Variants in GPBAR1 observed in about 807,000 individuals in gnomAD.
The protein encoded by GPBAR1 is G-protein coupled bile acid receptor 1.
A neutral mutation model predicts 13.0 loss-of-function variants in GPBAR1; 13 were observed. That is an observed-to-expected ratio of 1.00 (90% CI 0.65 to 1.59). The LOEUF is 1.59. Ranked by LOEUF, GPBAR1 falls within the 40% of genes most tolerant of loss-of-function variation. GPBAR1 has a pLI of 0.00. For missense variants in GPBAR1, 398 were observed against 436.4 expected, an observed-to-expected ratio of 0.91 and a Z score of 0.78; for synonymous variants, 193 against 205.2, an observed-to-expected ratio of 0.94 and a Z score of 0.51.
In GPBAR1 at chr2:218,262,353, A is replaced by G. The variant is rs763439460; in HGVS notation, c.-45-327A>G. 11 of 211,944 alleles carry G rather than the reference A, an allele frequency of 5.2e-5. No homozygotes were observed. Among genetic ancestry groups the G allele is most frequent in the Non-Finnish European group, 1.0e-4 (11 of 104,876 alleles). 13.1% of individuals were successfully genotyped at this position (211,944 alleles called of 1,614,324 possible). A position where few individuals can be genotyped will look rare whatever the true frequency, so the allele number is the denominator to read the frequency against. The stretch of plus-strand genomic sequence containing the variant: ...GGGCCCGCCTTTCAGTCTAAACAAG[A>G]GACCTCAACACAGCTGCCCAGAAAA... On this transcript the variant is annotated intron_variant, in intron 1 of 1. Coordinates refer to ENST00000519574, the MANE Select transcript of GPBAR1 (RefSeq NM_170699.3). The surrounding 1 kb of genome is among the most constrained non-coding windows in gnomAD (Gnocchi z 5.1).
rs899958366 is a variant in GPBAR1 at position 218,263,192 on chromosome 2, C to T, written c.468C>T (p.Ser156=). 3 of 1,609,784 alleles carry T rather than the reference C, an allele frequency of 1.9e-6. No individual in the cohort carries two copies. In the African/African-American group the frequency reaches 4.0e-5, roughly 21 times the overall value. Reference sequence around the variant, plus strand: ...ACTGGACCCCTGGTGCCAACTGCAGCTCCCAGGCTATCTTCCCAGCCCCCT... The same window carrying T: ...ACTGGACCCCTGGTGCCAACTGCAGTTCCCAGGCTATCTTCCCAGCCCCCT... ...WNHWTPGANC[S]SQAIFPAPYL... Residue 156 remains serine, a synonymous_variant, in exon 2 of 2, where the codon AGC becomes AGT. Transcript: ENST00000519574. This position sits in a 1 kb window ranked among gnomAD's most constrained non-coding sequence, Gnocchi z 4.2.
Position 218,263,505 on chromosome 2 carries a change from A to G in GPBAR1, c.781A>G (p.Thr261Ala). The part of the protein sequence containing the change: ...YEQRPPLGPG[T>A]LLSLLSLGSA... Reference sequence around the variant, plus strand: ...GCAGCGCCCGCCACTGGGGCCTGGGACACTGTTGTCCCTCCTCTCCCTAGG... The same window carrying G: ...GCAGCGCCCGCCACTGGGGCCTGGGGCACTGTTGTCCCTCCTCTCCCTAGG... The change falls in exon 2 of 2, where the codon ACA becomes GCA. Residue 261 changes from threonine (T) to alanine (A), a missense_variant. Thr to Ala is a moderately conservative substitution (Grantham distance 58, BLOSUM62 0). Transcript: ENST00000519574. The surrounding 1 kb of genome is among the most constrained non-coding windows in gnomAD (Gnocchi z 4.2). The G allele has an allele frequency of 6.2e-7, 1 of 1,611,414 alleles. No individual in the cohort carries two copies. The highest frequency in any genetic ancestry group is 8.5e-7 in the Non-Finnish European group (1 of 1,179,348).
chr2:218,263,124 G>A lies in GPBAR1; in HGVS notation c.400G>A (p.Gly134Ser), dbSNP rs200915643. 6.3e-5 allele frequency: 102 copies of A among 1,612,494 alleles called. No individual in the cohort carries two copies. Among genetic ancestry groups the A allele is most frequent in the Non-Finnish European group, 8.4e-5 (99 of 1,179,874 alleles). Residue 134 changes from glycine to serine, a missense_variant, in exon 2 of 2, where the codon GGT becomes AGT. Coordinates refer to ENST00000519574, the MANE Select transcript of GPBAR1 (RefSeq NM_170699.3). This position sits in a 1 kb window ranked among gnomAD's most constrained non-coding sequence, Gnocchi z 4.2. ...IRLALLLTWA[G>S]PLLFASLPAL... ...GCTGGCCCTGCTCCTCACCTGGGCT[G>A]GTCCCCTGCTCTTTGCCAGTCTGCC...
Position 218,262,543 on chromosome 2 carries a change from T to G in GPBAR1, c.-45-137T>G. The G allele has an allele frequency of 1.6e-6, 1 of 606,322 alleles. No homozygotes were observed. The highest frequency in any genetic ancestry group is 2.8e-6 in the Non-Finnish European group (1 of 353,798). 37.6% of individuals were successfully genotyped at this position (606,322 alleles called of 1,614,324 possible). ...TTTATATAAATGTTTAATTGGCAAT[T>G]AATTGAAAAATTCTGTGTATCAGCG... On this transcript the variant is annotated intron_variant, in intron 1 of 1. Transcript: ENST00000519574. This position sits in a 1 kb window ranked among gnomAD's most constrained non-coding sequence, Gnocchi z 5.1.
rs1690480226 is a variant in GPBAR1, at chr2:218,262,983, C to G, written c.259C>G (p.Leu87Val). 2 of 1,613,852 alleles carry G rather than the reference C, an allele frequency of 1.2e-6. No individual in the cohort carries two copies. Among genetic ancestry groups the G allele is most frequent in the Non-Finnish European group, 8.5e-7 (1 of 1,179,886 alleles). Residue 87 changes from leucine (L) to valine (V), a missense_variant, in exon 2 of 2, where the codon CTC (leucine) becomes GTC (valine). Physicochemically the swap from Leu to Val is conservative, Grantham distance 32 (BLOSUM62 1). Transcript: ENST00000519574. The surrounding 1 kb of genome is among the most constrained non-coding windows in gnomAD (Gnocchi z 5.1). ...QSRRGYWSCL[L>V]VYLAPNFSFL... is the part of the protein sequence containing the mutation. ...TCGCCGGGGTTACTGGTCCTGCCTC[C>G]TCGTCTACTTGGCTCCCAACTTCTC...
rs764313949 is a variant in GPBAR1 at position 218,261,084 on chromosome 2, T to G, written c.-178T>G. The stretch of plus-strand genomic sequence containing the variant: ...CTGTCCCCACTGGGTGGAGACACCA[T>G]GCACTTGGTCCACTTGTGCTCTTCA... On this transcript the variant is annotated 5_prime_UTR_variant, in exon 1 of 2. An upstream start codon of the reference 5' UTR is lost. Transcript: ENST00000519574. 2.0e-5 allele frequency: 3 copies of G among 152,362 alleles called. No homozygotes were observed. The highest frequency in any genetic ancestry group is 2.9e-5 in the Non-Finnish European group (2 of 68,074). The allele number at this position is 152,362 out of a possible 1,614,324, so 9.4% of individuals were successfully genotyped here. A position where few individuals can be genotyped will look rare whatever the true frequency, so the allele number is the denominator to read the frequency against.
Position 218,263,738 on chromosome 2 carries a change from C to A in GPBAR1, c.*21C>A. ...ACTAAAGGAAGGGCCTCTGCTGACT[C>A]CTACCAGAGCATCCGTCCAGCTCAG... On this transcript the variant is annotated 3_prime_UTR_variant, in exon 2 of 2. Coordinates refer to ENST00000519574, the MANE Select transcript of GPBAR1 (RefSeq NM_170699.3). The surrounding 1 kb of genome is among the most constrained non-coding windows in gnomAD (Gnocchi z 4.2). 1.2e-6 allele frequency: 2 copies of A among 1,612,840 alleles called. No individual in the cohort carries two copies. Among genetic ancestry groups the A allele is most frequent in the Non-Finnish European group, 1.7e-6 (2 of 1,179,804 alleles).
chr2:218,260,414 T>C (rs1292584628), upstream of GPBAR1, among the ~76,000 whole-genome samples: 1 of 152,190 alleles, frequency 6.6e-6, no homozygotes, highest in African/African-American at 2.4e-5. Context: ...ATATGTGTTA[T>C]CCTGTGATAT....
At chr2:218,261,653 G>A (rs1259648164) in intron 1 of GPBAR1, among the ~76,000 whole-genome samples, 2 of 152,138 alleles carry the variant, frequency 1.3e-5, no homozygotes, top group Non-Finnish European at 2.9e-5. Flanking sequence ...TGGGAAGGAA[G>A]GGGAGCATCT....
chr2:218,263,587 C>G lies in GPBAR1; in HGVS notation c.863C>G (p.Thr288Arg), dbSNP rs775640251. ...ATGGGGCTGGGCGATCAGCGCTACA[C>G]AGCCCCCTGGAGGGCAGCCGCCCAA... ...VAMGLGDQRY[T>R]APWRAAAQRC... The change falls in exon 2 of 2, where the codon ACA becomes AGA. Residue 288 changes from threonine (T) to arginine (R), a missense_variant. Physicochemically the swap from Thr to Arg is moderately conservative, Grantham distance 71. Transcript: ENST00000519574. This position sits in a 1 kb window ranked among gnomAD's most constrained non-coding sequence, Gnocchi z 4.2. 2.5e-6 allele frequency: 4 copies of G among 1,612,614 alleles called. No individual in the cohort carries two copies. The highest frequency in any genetic ancestry group is 4.5e-5 in the East Asian group (2 of 44,884).
In GPBAR1 at chr2:218,262,514, G is replaced by GT. The variant is rs555170124; in HGVS notation, c.-45-160dup. On this transcript the variant is annotated intron_variant, in intron 1 of 1. Transcript: ENST00000519574. This position sits in a 1 kb window ranked among gnomAD's most constrained non-coding sequence, Gnocchi z 5.1. ...GAATTTTCAATAGAAACCAAAGATA[G>GT]TTTTTTATATAAATGTTTAATTGGC... 1.6e-3 allele frequency: 947 copies of GT among 584,444 alleles called. 10 individuals are homozygous for GT. Among genetic ancestry groups the GT allele is most frequent in the African/African-American group, 0.016 (841 of 53,888 alleles). The allele number at this position is 584,444 out of a possible 1,614,324, so 36.2% of individuals were successfully genotyped here. A position where few individuals can be genotyped will look rare whatever the true frequency, so the allele number is the denominator to read the frequency against.
Position 218,263,726 on chromosome 2 carries a change from C to T in GPBAR1, c.*9C>T, listed in dbSNP as rs749450128. ...ACCTGGACTTGAACTAAAGGAAGGG[C>T]CTCTGCTGACTCCTACCAGAGCATC... On this transcript the variant is annotated 3_prime_UTR_variant, in exon 2 of 2. Coordinates refer to ENST00000519574, the MANE Select transcript of GPBAR1 (RefSeq NM_170699.3). The surrounding 1 kb of genome is among the most constrained non-coding windows in gnomAD (Gnocchi z 4.2). 2.2e-5 allele frequency: 35 copies of T among 1,612,896 alleles called. 1 individual carries two copies. In the East Asian group the frequency reaches 3.3e-4, roughly 15 times the overall value.
Position 218,262,614 on chromosome 2 carries a change from C to A in GPBAR1, c.-45-66C>A. The A allele has an allele frequency of 8.3e-7, 1 of 1,210,276 alleles. No homozygotes were observed. Among genetic ancestry groups the A allele is most frequent in the Non-Finnish European group, 1.1e-6 (1 of 894,420 alleles). The allele number at this position is 1,210,276 out of a possible 1,614,324, so 75.0% of individuals were successfully genotyped here. A position where few individuals can be genotyped will look rare whatever the true frequency, so the allele number is the denominator to read the frequency against. ...CTGCGGGTCTGCGCCCCTGGATTAA[C>A]ATGCTGCCCTGCCAGGAGGACACGA... On this transcript the variant is annotated intron_variant, in intron 1 of 1. Transcript: ENST00000519574. The surrounding 1 kb of genome is among the most constrained non-coding windows in gnomAD (Gnocchi z 5.1).
upstream of GPBAR1, among the ~76,000 whole-genome samples, chr2:218,260,361 A>AG (rs1690381081): frequency 6.6e-6 from 1 of 152,142 alleles, no homozygotes; most frequent in South Asian, 2.1e-4. Flanking sequence ...TGTTGGGGCA[A>AG]ACCCCCACCC....
At position 218,263,346 on chromosome 2, in the gene GPBAR1, C is replaced by G. The variant is rs199752023; in HGVS notation, c.622C>G (p.Arg208Gly). ...DICRLERAVC[R>G]DEPSALARAL... is the part of the protein sequence containing the mutation. ...CTGCCGGCTGGAGCGGGCAGTGTGCCGCGATGAGCCCTCCGCCCTGGCCCG... is the reference window on the plus strand; with the variant it reads ...CTGCCGGCTGGAGCGGGCAGTGTGCGGCGATGAGCCCTCCGCCCTGGCCCG... The change falls in exon 2 of 2, where the codon CGC becomes GGC. Residue 208 changes from arginine to glycine, a missense_variant. By Grantham distance (125) the Arg-to-Gly change is moderately radical (BLOSUM62 -2). Coordinates refer to ENST00000519574, the MANE Select transcript of GPBAR1 (RefSeq NM_170699.3). This position sits in a 1 kb window ranked among gnomAD's most constrained non-coding sequence, Gnocchi z 4.2. The G allele has an allele frequency of 3.1e-6, 5 of 1,600,022 alleles. No homozygotes were observed. Among genetic ancestry groups the G allele is most frequent in the Non-Finnish European group, 3.4e-6 (4 of 1,175,492 alleles).
upstream of GPBAR1, chr2:218,260,283 C>G (rs1690378849): frequency 6.6e-6 from 1 of 152,140 alleles, no homozygotes; most frequent in Non-Finnish European, 1.5e-5. Context: ...AAAAAGGATC[C>G]AGACAGCTCT....
chr2:218,262,582 C>A lies in GPBAR1; in HGVS notation c.-45-98C>A. 4 of 776,458 alleles carry A rather than the reference C, an allele frequency of 5.2e-6. No individual in the cohort carries two copies. The allele number at this position is 776,458 out of a possible 1,614,324, so 48.1% of individuals were successfully genotyped here. A position where few individuals can be genotyped will look rare whatever the true frequency, so the allele number is the denominator to read the frequency against. ...TGTGTATCAGCGAACATGATACAGCCCACAGCCTGCGGGTCTGCGCCCCTG... is the reference window on the plus strand; with the variant it reads ...TGTGTATCAGCGAACATGATACAGCACACAGCCTGCGGGTCTGCGCCCCTG... On this transcript the variant is annotated intron_variant, in intron 1 of 1. Coordinates refer to ENST00000519574, the MANE Select transcript of GPBAR1 (RefSeq NM_170699.3). This position sits in a 1 kb window ranked among gnomAD's most constrained non-coding sequence, Gnocchi z 5.1.
Position 218,262,510 on chromosome 2 carries a change from G to C in GPBAR1, c.-45-170G>C. 1 of 581,264 alleles carries C rather than the reference G, an allele frequency of 1.7e-6. No individual in the cohort carries two copies. Among genetic ancestry groups the C allele is most frequent in the Non-Finnish European group, 3.0e-6 (1 of 333,068 alleles). The allele number at this position is 581,264 out of a possible 1,614,324, so 36.0% of individuals were successfully genotyped here. On this transcript the variant is annotated intron_variant, in intron 1 of 1. Coordinates refer to ENST00000519574, the MANE Select transcript of GPBAR1 (RefSeq NM_170699.3). This position sits in a 1 kb window ranked among gnomAD's most constrained non-coding sequence, Gnocchi z 5.1. ...ACCTGAATTTTCAATAGAAACCAAA[G>C]ATAGTTTTTTATATAAATGTTTAAT...
Position 218,263,538 on chromosome 2 carries a change from A to C in GPBAR1, c.814A>C (p.Ser272Arg), listed in dbSNP as rs144467445. 8 of 1,612,148 alleles carry C rather than the reference A, an allele frequency of 5.0e-6. No individual in the cohort carries two copies. The South Asian group carries it at 8.8e-5, about 18-fold the overall frequency. ...LLSLLSLGSA[S>R]AAAVPVAMGL... The stretch of plus-strand genomic sequence containing the variant: ...GTCCCTCCTCTCCCTAGGAAGTGCC[A>C]GTGCAGCGGCAGTGCCCGTAGCCAT... The change falls in exon 2 of 2, where the codon AGT (serine) becomes CGT (arginine). Residue 272 changes from serine (S) to arginine (R), a missense_variant. Physicochemically the swap from Ser to Arg is moderately radical, Grantham distance 110. Transcript: ENST00000519574. This position sits in a 1 kb window ranked among gnomAD's most constrained non-coding sequence, Gnocchi z 4.2.
Sources: gnomAD v4.1 joint callset for allele counts (sites outside exome capture counted in the v4.1 genomes callset) on GRCh38, gnomAD v4.1.1 for gene constraint, Gnocchi (gnomAD v3.1) non-coding constraint, MANE v1.5 for transcripts, NCBI Gene and HGNC (gene_info 2026-07-23, HGNC 2026-07-21) for gene names.